Variants in DNAAF11 observed in about 807,000 individuals in gnomAD.
DNAAF11 encodes dynein axonemal assembly factor 11, also known as leucine rich repeat containing 6.
A neutral mutation model predicts 60.8 loss-of-function variants in DNAAF11; 45 were observed. The ratio of observed to expected loss-of-function variants is 0.74; its 90% CI spans 0.58 to 0.95. The LOEUF (loss-of-function observed/expected upper bound fraction) is 0.95, where lower values mean the gene tolerates loss of function less well. DNAAF11 is among the 40% of genes least tolerant of loss of function. The pLI, the probability that DNAAF11 is intolerant of heterozygous loss-of-function variation, is 0.00. For missense variants in DNAAF11, 546 were observed against 546.2 expected (o/e 1.00, Z 0.00); for synonymous variants, 191 against 183.5 (o/e 1.04, Z -0.33).
chr8:132,691,668 T>TA, the DNAAF11 span, among the ~76,000 whole-genome samples: 2 of 152,128 alleles, frequency 1.3e-5, no homozygotes, highest in Non-Finnish European at 2.9e-5. Flanking sequence ...GACTTTTTTT[T>TA]AAATAAACTA....
At chr8:132,659,115 C>A (rs1023253432) in intron 2 of DNAAF11, among the ~76,000 whole-genome samples, 1 of 152,190 alleles carries the variant, frequency 6.6e-6, no homozygotes, top group African/African-American at 2.4e-5. Context: ...GGTTCTGATT[C>A]AGTAGGTCTG....
the DNAAF11 span, among the ~76,000 whole-genome samples, chr8:132,697,443 C>T: frequency 6.6e-6 from 1 of 151,982 alleles, no homozygotes; most frequent in African/African-American, 2.4e-5. Context: ...GATGGCAAAA[C>T]CCCATCTCTA....
chr8:132,658,777 G>A (rs996581091), intron 2 of DNAAF11, among the ~76,000 whole-genome samples: 3 of 152,066 alleles, frequency 2.0e-5, no homozygotes, highest in African/African-American at 4.8e-5. Context: ...CCCTCTAAAC[G>A]CTAAAGGAGT....
At chr8:132,636,618 C>T (rs572266081) in intron 4 of DNAAF11, among the ~76,000 whole-genome samples, 1 of 152,304 alleles carries the variant, frequency 6.6e-6, no homozygotes, top group Non-Finnish European at 1.5e-5. Context: ...GACACAGGCT[C>T]AGCTGCGGTG....
At chr8:132,624,678 A>G (rs563949756) in intron 6 of DNAAF11, among the ~76,000 whole-genome samples, 1 of 152,294 alleles carries the variant, frequency 6.6e-6, no homozygotes, top group South Asian at 2.1e-4. Context: ...CATAAGTTAT[A>G]TATTTTACAT....
chr8:132,617,057 T>G (rs1301997433), intron 7 of DNAAF11, among the ~76,000 whole-genome samples: 1 of 152,126 alleles, frequency 6.6e-6, no homozygotes, highest in East Asian at 1.9e-4. Context: ...GGCTGACAGA[T>G]GAATGGGTAC....
intron 3 of DNAAF11, among the ~76,000 whole-genome samples, chr8:132,654,077 T>C (rs912563645): frequency 5.3e-5 from 8 of 152,064 alleles, no homozygotes; most frequent in African/African-American, 1.9e-4. Flanking sequence ...GGAAAAGTTA[T>C]ACCATACAAA....
upstream of DNAAF11, among the ~76,000 whole-genome samples, chr8:132,678,513 G>A (rs1825820344): frequency 6.6e-6 from 1 of 151,992 alleles, no homozygotes; most frequent in South Asian, 2.1e-4. Context: ...CTTCAACCTT[G>A]GGACTATGTG....
At chr8:132,700,219 G>A in the DNAAF11 span, among the ~76,000 whole-genome samples, 24 of 152,220 alleles carry the variant, frequency 1.6e-4, 2 homozygotes, top group African/African-American at 5.8e-4. Flanking sequence ...TAACTTAAAA[G>A]GAGAGATTGT....
the DNAAF11 span, among the ~76,000 whole-genome samples, chr8:132,696,860 AG>A: frequency 6.6e-6 from 1 of 152,142 alleles, no homozygotes; most frequent in African/African-American, 2.4e-5. Context: ...GGACCCAATG[AG>A]GGGAACAGCA....
chr8:132,661,688 T>C (rs1429561774), intron 1 of DNAAF11, 61 bp from the exon 2 acceptor site: 4 of 1,527,510 alleles, frequency 2.6e-6, no homozygotes, highest in Admixed American at 3.3e-5. Flanking sequence ...AAGATTATTG[T>C]GTTGTTAACG....
At chr8:132,698,694 G>A in the DNAAF11 span, among the ~76,000 whole-genome samples, 2 of 151,872 alleles carry the variant, frequency 1.3e-5, no homozygotes, top group Non-Finnish European at 2.9e-5. Flanking sequence ...CTTATTTCTG[G>A]AGCTTCTGTT....
chr8:132,626,043 A>G (rs1586620473), intron 5 of DNAAF11, among the ~76,000 whole-genome samples: 1 of 148,596 alleles, frequency 6.7e-6, no homozygotes, highest in East Asian at 1.9e-4. Context: ...GACCTATGGC[A>G]CCTTCTTTTT....
chr8:132,615,935 A>G (rs566260889), intron 7 of DNAAF11, among the ~76,000 whole-genome samples: 1 of 152,146 alleles, frequency 6.6e-6, no homozygotes, highest in South Asian at 2.1e-4. Flanking sequence ...TGTTCGCCCC[A>G]TTTCTGCTTG....
chr8:132,642,165 T>G (rs111249164), intron 3 of DNAAF11, among the ~76,000 whole-genome samples: 16 of 152,350 alleles, frequency 1.1e-4, no homozygotes, highest in African/African-American at 3.8e-4. Flanking sequence ...TTCTCAAATG[T>G]TGTAAGTATG....
Position 132,625,455 on chromosome 8 carries a change from C to T in DNAAF11, c.654-1G>A. Reference sequence around the variant, plus strand: ...GTGGTCTTTGCTCTCTAAAGAGGAACTAGGAAAAACAAATAGAGCACTTAA... The same window carrying T: ...GTGGTCTTTGCTCTCTAAAGAGGAATTAGGAAAAACAAATAGAGCACTTAA... On this transcript the variant is annotated splice_acceptor_variant, in intron 5 of 11. Coordinates refer to ENST00000620350, the MANE Select transcript of DNAAF11 (RefSeq NM_012472.6). LOFTEE classifies it high-confidence loss of function. The T allele has an allele frequency of 6.3e-7, 1 of 1,593,134 alleles. No homozygotes were observed. The highest frequency in any genetic ancestry group is 8.5e-7 in the Non-Finnish European group (1 of 1,172,350).
At chr8:132,598,557 T>C (rs1023253995) in intron 10 of DNAAF11, among the ~76,000 whole-genome samples, 1 of 152,236 alleles carries the variant, frequency 6.6e-6, no homozygotes, top group African/African-American at 2.4e-5. Flanking sequence ...ATTTTATTTT[T>C]CTATTCATAA....
intron 10 of DNAAF11, among the ~76,000 whole-genome samples, chr8:132,603,396 G>A (rs1817826710): frequency 6.6e-6 from 1 of 152,154 alleles, no homozygotes; most frequent in Admixed American, 6.6e-5. Flanking sequence ...TGGTGGCAAA[G>A]GACTCCAGCA....
intron 10 of DNAAF11, among the ~76,000 whole-genome samples, chr8:132,609,432 A>G (rs949567041): frequency 6.6e-6 from 1 of 151,780 alleles, no homozygotes; most frequent in Non-Finnish European, 1.5e-5. Context: ...GGTTGAATCC[A>G]TGGATGCTGA....
Sources: allele counts gnomAD v4.1 joint callset (sites outside exome capture counted in the v4.1 genomes callset), GRCh38; gene constraint gnomAD v4.1.1; transcripts MANE v1.5; gene names NCBI Gene and HGNC (gene_info 2026-07-23, HGNC 2026-07-21).